The following PNLIPRP1 variants were observed in gnomAD, a reference collection of about 807,000 sequenced individuals.
PNLIPRP1 encodes the protein pancreatic lipase related protein 1.
PNLIPRP1 carries 57 observed loss-of-function variants against 54.6 expected under a neutral mutation model. The ratio of observed to expected loss-of-function variants is 1.04; its 90% CI spans 0.84 to 1.30. The LOEUF (loss-of-function observed/expected upper bound fraction) is 1.30, where lower values mean the gene tolerates loss of function less well. Among genes scored for constraint, PNLIPRP1 ranks in the 50% most tolerant of loss-of-function variants. The probability of loss-of-function intolerance (pLI) is 0.00; values close to 1 mark genes in which losing one functional copy is unlikely to be tolerated. For synonymous variants in PNLIPRP1, 232 were observed against 208.8 expected (o/e 1.11, Z -0.96); for missense variants, 567 against 568.5 (o/e 1.00, Z 0.03).
At chr10:116,605,156 T>G (rs1449755573) in intron 11 of PNLIPRP1, among the ~76,000 whole-genome samples, 2 of 152,240 alleles carry the variant, frequency 1.3e-5, no homozygotes, top group African/African-American at 4.8e-5. Flanking sequence ...ATGCAGGAAT[T>G]CTATTTTATT....
Position 116,604,016 on chromosome 10 carries a change from C to A in PNLIPRP1, c.1064-14C>A. 6.5e-7 allele frequency: 1 copy of A among 1,540,158 alleles called. No homozygotes were observed. ...TGTGTGTGAATAAATTGAACTCTTCCATCTCCTGTGCAGGCTGGAGATATG... is the reference window on the plus strand; with the variant it reads ...TGTGTGTGAATAAATTGAACTCTTCAATCTCCTGTGCAGGCTGGAGATATG... On this transcript the variant is annotated splice_polypyrimidine_tract_variant and intron_variant, in intron 10 of 12. Coordinates refer to ENST00000358834, the MANE Select transcript of PNLIPRP1 (RefSeq NM_006229.4).
chr10:116,604,218 C>T, intron 11 of PNLIPRP1, 80 bp downstream of exon 11: 1 of 736,650 alleles, frequency 1.4e-6, no homozygotes. Context: ...GAACACTTAT[C>T]ATCTCTTTAT....
At chr10:116,600,273 C>A (rs1847811164) in intron 9 of PNLIPRP1, 108 bp downstream of exon 9, 1 of 761,068 alleles carries the variant, frequency 1.3e-6, no homozygotes, top group East Asian at 2.5e-5. Context: ...TTGCATTGAC[C>A]CTCAGAGTTC....
rs797044314 is a variant in PNLIPRP1, at chr10:116,602,802, T to C, written c.1064-1228T>C. ...GTGTATGCATGTGTTTATATACGTA[T>C]GTATATGAGTCTGTATGTTTATGTA... On this transcript the variant is annotated intron_variant, in intron 10 of 12. Coordinates refer to ENST00000358834, the MANE Select transcript of PNLIPRP1 (RefSeq NM_006229.4). Among the ~76,000 whole-genome samples, 3 of 152,374 alleles carry C rather than the reference T, an allele frequency of 2.0e-5. No individual in the cohort carries two copies. In the South Asian group the frequency reaches 6.2e-4, roughly 32 times the overall value.
At chr10:116,592,300 G>C in intron 3 of PNLIPRP1, 116 bp from the exon 4 acceptor site, 1 of 1,201,794 alleles carries the variant, frequency 8.3e-7, no homozygotes, top group Non-Finnish European at 1.2e-6. Flanking sequence ...CATGGAAGAA[G>C]TGGCTTTTTG....
intron 10 of PNLIPRP1, among the ~76,000 whole-genome samples, chr10:116,602,942 TG>T (rs1554865018): frequency 9.9e-4 from 4 of 4,038 alleles, no homozygotes; most frequent in South Asian, 0.018. Context: ...TGTAGATGTA[TG>T]TGTGTGTGCA....
In PNLIPRP1 at chr10:116,592,341, A is replaced by G. The variant is rs1367239197; in HGVS notation, c.205-75A>G. On this transcript the variant is annotated intron_variant, in intron 3 of 12. Transcript: ENST00000358834. ...CTTTGAAAAGTAGAGGCATTGGCGCAGGCGGAGATGAGGAAGGAAAAAGGC... is the reference window on the plus strand; with the variant it reads ...CTTTGAAAAGTAGAGGCATTGGCGCGGGCGGAGATGAGGAAGGAAAAAGGC... 4 of 1,490,990 alleles carry G rather than the reference A, an allele frequency of 2.7e-6. No individual in the cohort carries two copies. In the African/African-American group the frequency reaches 5.6e-5, roughly 21 times the overall value. The allele number at this position is 1,490,990 out of a possible 1,614,324, so 92.4% of individuals were successfully genotyped here.
rs1225008584 is a variant in PNLIPRP1, at chr10:116,600,083, G to T, written c.851G>T (p.Ser284Ile). 2 of 1,613,888 alleles carry T rather than the reference G, an allele frequency of 1.2e-6. No individual in the cohort carries two copies. Among genetic ancestry groups the T allele is most frequent in the Admixed American group, 1.7e-5 (1 of 59,988 alleles). Residue 284 changes from serine to isoleucine, a missense_variant, in exon 9 of 13, where the codon AGC becomes ATC. Ser to Ile is a moderately radical substitution (Grantham distance 142). Coordinates refer to ENST00000358834, the MANE Select transcript of PNLIPRP1 (RefSeq NM_006229.4). ...TTTGTGGCTTGCAATCACCTAAGAA[G>T]CTACAAGTATTACTTGGAAAGCATC... ...RDFVACNHLR[S>I]YKYYLESILN...
At chr10:116,595,779 G>A (rs141219929) in intron 5 of PNLIPRP1, 1 of 156,994 alleles carries the variant, frequency 6.4e-6, no homozygotes, top group African/African-American at 2.4e-5. Flanking sequence ...AGTGGGTTCT[G>A]ATGGGGAGAG....
chr10:116,605,135 T>C (rs1847916030), intron 11 of PNLIPRP1, among the ~76,000 whole-genome samples: 1 of 152,210 alleles, frequency 6.6e-6, no homozygotes, highest in South Asian at 2.1e-4. Context: ...TTCCAAAACA[T>C]ATAAAATGAT....
At chr10:116,591,596 C>T (rs1018947913) in intron 2 of PNLIPRP1, among the ~76,000 whole-genome samples, 175 bp from the exon 3 acceptor site, 2 of 150,508 alleles carry the variant, frequency 1.3e-5, no homozygotes, top group Non-Finnish European at 3.0e-5. Flanking sequence ...ATACTACTAC[C>T]GGCCAGTAGT....
intron 3 of PNLIPRP1, chr10:116,592,133 C>A: frequency 1.6e-6 from 1 of 637,108 alleles, no homozygotes; most frequent in Non-Finnish European, 2.7e-6. Context: ...TTGCCAGAAC[C>A]TCTAGCTACT....
chr10:116,606,066 G>A (rs1847931993), intron 12 of PNLIPRP1, among the ~76,000 whole-genome samples: 1 of 152,178 alleles, frequency 6.6e-6, no homozygotes, highest in African/African-American at 2.4e-5. Context: ...AGGAAAAAGG[G>A]ACGGCTGGAG....
chr10:116,591,733 A>G, intron 2 of PNLIPRP1, 38 bp from the exon 3 acceptor site: 1 of 1,609,802 alleles, frequency 6.2e-7, no homozygotes, highest in Non-Finnish European at 8.5e-7. Context: ...GCACACCTTG[A>G]GAGCAAATCC....
chr10:116,608,770 A>G (rs1260731087), intron 12 of PNLIPRP1, among the ~76,000 whole-genome samples: 1 of 152,158 alleles, frequency 6.6e-6, no homozygotes, highest in African/African-American at 2.4e-5. Context: ...GCCTGTGGGG[A>G]CAAGGAGGTG....
intron 2 of PNLIPRP1, 55 bp from the exon 3 acceptor site, chr10:116,591,716 C>A (rs1847640594): frequency 1.9e-6 from 3 of 1,588,570 alleles, no homozygotes; most frequent in South Asian, 1.1e-5. Context: ...AGCAGTGACA[C>A]CCCAGAGCAC....
intron 6 of PNLIPRP1, among the ~76,000 whole-genome samples, chr10:116,596,771 C>T (rs542961351): frequency 2.0e-5 from 3 of 152,104 alleles, no homozygotes; most frequent in South Asian, 2.1e-4. Context: ...GAAACCCAGT[C>T]GCCATTATGG....
At chr10:116,595,741 T>G (rs1305596491) in intron 5 of PNLIPRP1, 1 of 153,576 alleles carries the variant, frequency 6.5e-6, no homozygotes, top group African/African-American at 2.4e-5. Context: ...CAGTGAAAAC[T>G]TGCAATGCCA....
intron 12 of PNLIPRP1, 82 bp from the exon 13 acceptor site, chr10:116,608,971 C>A (rs950784278): frequency 7.7e-5 from 88 of 1,143,168 alleles, no homozygotes; most frequent in Non-Finnish European, 1.1e-4. Flanking sequence ...CCAAACCAAA[C>A]CAAACCAAAC....
Sources: allele counts gnomAD v4.1 joint callset (sites outside exome capture counted in the v4.1 genomes callset), GRCh38; gene constraint gnomAD v4.1.1; transcripts MANE v1.5; gene names NCBI Gene and HGNC (gene_info 2026-07-23, HGNC 2026-07-21).